The following TNFRSF10A variants were observed in gnomAD, a reference collection of about 807,000 sequenced individuals.
TNFRSF10A encodes tumor necrosis factor receptor superfamily member 10A.
Under a neutral mutation model 42.8 loss-of-function variants are expected in TNFRSF10A, and 44 were observed. The observed-to-expected ratio is 1.03, with a 90% CI of 0.81 to 1.32. TNFRSF10A has a LOEUF of 1.32. Among genes scored for constraint, TNFRSF10A ranks in the 40% most tolerant of loss-of-function variants. TNFRSF10A has a pLI of 0.00. For missense variants in TNFRSF10A, 680 were observed against 602.0 expected (o/e 1.13, Z -1.36); for synonymous variants, 259 against 234.2 (o/e 1.11, Z -0.97).
In TNFRSF10A at chr8:23,197,173, C is replaced by T. The variant is rs1212836066; in HGVS notation, c.1046G>A (p.Arg349Lys). ...ACCATTTGCTGGAACCAGCAGCCTC[C>T]TCCTCTGAGACCCTTCAGCTTCTGC... ...GPAEAEGSQR[R>K]RLLVPANGAD... is the part of the protein sequence containing the mutation. The change falls in exon 9 of 10, where the codon AGG becomes AAG. Residue 349 changes from arginine to lysine, a missense_variant. Arg to Lys is a conservative substitution (Grantham distance 26). Transcript: ENST00000221132. 1 of 1,614,174 alleles carries T rather than the reference C, an allele frequency of 6.2e-7. No homozygotes were observed.
At chr8:23,200,354 G>T in intron 6 of TNFRSF10A, 151 bp downstream of exon 6, 1 of 856,928 alleles carries the variant, frequency 1.2e-6, no homozygotes, top group African/African-American at 1.7e-5. Context: ...GGGTTGCACA[G>T]GATGGGAGGA....
At chr8:23,221,290 C>T (rs989213531) in intron 1 of TNFRSF10A, among the ~76,000 whole-genome samples, 1 of 152,230 alleles carries the variant, frequency 6.6e-6, no homozygotes, top group African/African-American at 2.4e-5. Context: ...TTATATCCAC[C>T]TAGTTTATAG....
Position 23,202,650 on chromosome 8 carries a change from G to A in TNFRSF10A, c.515C>T (p.Ser172Leu). 1 of 1,612,834 alleles carries A rather than the reference G, an allele frequency of 6.2e-7. No individual in the cohort carries two copies. The highest frequency in any genetic ancestry group is 8.5e-7 in the Non-Finnish European group (1 of 1,178,972). Residue 172 changes from serine to leucine, a missense_variant and splice_region_variant, in exon 3 of 10, where the codon TCA becomes TTA. Ser to Leu is a moderately radical substitution (Grantham distance 145, BLOSUM62 -2). Coordinates refer to ENST00000221132, the MANE Select transcript of TNFRSF10A (RefSeq NM_003844.4). ...FACLPCTACK[S>L]DEEERSPCTT... Reference sequence around the variant, plus strand: ...CAAGAGGTCCACACATTCTGTACCTGATTTACAAGCTGTACATGGGAGGCA... The same window carrying A: ...CAAGAGGTCCACACATTCTGTACCTAATTTACAAGCTGTACATGGGAGGCA...
chr8:23,209,195 G>C (rs1374884919), intron 2 of TNFRSF10A, among the ~76,000 whole-genome samples: 1 of 152,224 alleles, frequency 6.6e-6, no homozygotes. Flanking sequence ...TGAGGTTTGG[G>C]AACCTCCACG....
chr8:23,195,870 C>T (rs1356280776), intron 9 of TNFRSF10A, among the ~76,000 whole-genome samples: 1 of 152,046 alleles, frequency 6.6e-6, no homozygotes, highest in South Asian at 2.1e-4. Context: ...CATGAAGCAG[C>T]CAGAAAGATC....
chr8:23,191,429 G>T lies in TNFRSF10A; in HGVS notation c.*265C>A. 3.8e-6 allele frequency: 2 copies of T among 519,842 alleles called. No homozygotes were observed. The highest frequency in any genetic ancestry group is 6.7e-6 in the Non-Finnish European group (2 of 300,108). The allele number at this position is 519,842 out of a possible 1,614,324, so 32.2% of individuals were successfully genotyped here. On this transcript the variant is annotated 3_prime_UTR_variant, in exon 10 of 10. Transcript: ENST00000221132. ...TTCTCCTGCCTCAGCCTCCCGAGTA[G>T]CCGAGAATATATGCACACACCATCA...
chr8:23,203,920 G>A (rs1446014724), intron 2 of TNFRSF10A, among the ~76,000 whole-genome samples: 2 of 152,192 alleles, frequency 1.3e-5, no homozygotes, highest in Admixed American at 6.5e-5. Context: ...GGGACTACAG[G>A]AGCGTGCCAC....
intron 1 of TNFRSF10A, among the ~76,000 whole-genome samples, chr8:23,220,204 C>A (rs986397995): frequency 6.6e-6 from 1 of 152,156 alleles, no homozygotes; most frequent in African/African-American, 2.4e-5. Flanking sequence ...GGCCAGGTCC[C>A]AAATGCTGGG....
chr8:23,202,971 T>G (rs771280112), intron 2 of TNFRSF10A, among the ~76,000 whole-genome samples: 1 of 152,058 alleles, frequency 6.6e-6, no homozygotes, highest in East Asian at 1.9e-4. Context: ...CATGCAAAAT[T>G]CAAATTCTAT....
Position 23,191,801 on chromosome 8 carries a change from T to A in TNFRSF10A, c.1300A>T (p.Arg434Trp). 6.2e-7 allele frequency: 1 copy of A among 1,614,054 alleles called. No individual in the cohort carries two copies. Among genetic ancestry groups the A allele is most frequent in the Non-Finnish European group, 8.5e-7 (1 of 1,180,006 alleles). Residue 434 changes from arginine (R) to tryptophan (W), a missense_variant, in exon 10 of 10, where the codon AGG (arginine) becomes TGG (tryptophan). Physicochemically the swap from Arg to Trp is moderately radical, Grantham distance 101. Transcript: ENST00000221132. ...TCTCTTGCATGTCTCTCTTCCATCC[T>A]CTCCAAGGCATCCAGCAGGGTGTGG... ...SIHTLLDALE[R>W]MEERHAREKI... is the part of the protein sequence containing the mutation.
At chr8:23,209,677 T>A (rs1292616990) in intron 2 of TNFRSF10A, among the ~76,000 whole-genome samples, 1 of 152,226 alleles carries the variant, frequency 6.6e-6, no homozygotes, top group Non-Finnish European at 1.5e-5. Context: ...ATGTCACCCA[T>A]TTGGAATGGA....
At chr8:23,192,660 C>G (rs1440921926) in intron 9 of TNFRSF10A, among the ~76,000 whole-genome samples, 1 of 152,136 alleles carries the variant, frequency 6.6e-6, no homozygotes, top group East Asian at 1.9e-4. Flanking sequence ...TTTCTAACAG[C>G]CTCATTTAAA....
chr8:23,222,568 A>T (rs147891163), intron 1 of TNFRSF10A, among the ~76,000 whole-genome samples: 89 of 152,346 alleles, frequency 5.8e-4, no homozygotes, highest in Admixed American at 4.6e-4. Context: ...GAATTTTAAA[A>T]GTTAAGGTGC....
At chr8:23,224,666 C>G in intron 1 of TNFRSF10A, 90 bp downstream of exon 1, 2 of 1,451,390 alleles carry the variant, frequency 1.4e-6, no homozygotes, top group South Asian at 2.8e-5. Flanking sequence ...GTGACCCGGG[C>G]CAGGCACCCC....
Position 23,200,678 on chromosome 8 carries a change from G to C in TNFRSF10A, c.703+9C>G. The C allele has an allele frequency of 6.2e-7, 1 of 1,613,044 alleles. No individual in the cohort carries two copies. Among genetic ancestry groups the C allele is most frequent in the Middle Eastern group, 1.7e-4 (1 of 6,052 alleles). On this transcript the variant is annotated intron_variant, in intron 5 of 9. Transcript: ENST00000221132. ...TCTGCAGCTGGGGCTTCCCCAGTGG[G>C]CTTTGTACCTGATTCTTTGTGGACA...
intron 1 of TNFRSF10A, among the ~76,000 whole-genome samples, chr8:23,216,296 G>A (rs181622048): frequency 1.6e-3 from 251 of 152,174 alleles, no homozygotes; most frequent in Non-Finnish European, 3.0e-3. Context: ...GCACACCTCT[G>A]AGTCATTGAT....
chr8:23,196,954 T>TAGAGTGGGAAGAAGAGATGGGAGA (rs1800830767), intron 9 of TNFRSF10A, among the ~76,000 whole-genome samples, 178 bp downstream of exon 9: 1 of 151,132 alleles, frequency 6.6e-6, no homozygotes. Flanking sequence ...AAGGATGAGG[T>TAGAGTGGGAAGAAGAGATGGGAGA]AGAGTGGGAA....
intron 1 of TNFRSF10A, among the ~76,000 whole-genome samples, chr8:23,220,380 A>C (rs1384374905): frequency 6.6e-6 from 1 of 152,232 alleles, no homozygotes; most frequent in Non-Finnish European, 1.5e-5. Flanking sequence ...TTAGCAAAGT[A>C]GAAATTGAGA....
chr8:23,201,278 G>A (rs1022850064), intron 4 of TNFRSF10A, among the ~76,000 whole-genome samples: 2 of 152,204 alleles, frequency 1.3e-5, no homozygotes, highest in African/African-American at 4.8e-5. Flanking sequence ...GGCCAGGGGT[G>A]AGGCTGGCTG....
Sources: gnomAD v4.1 joint callset for allele counts (sites outside exome capture counted in the v4.1 genomes callset) on GRCh38, gnomAD v4.1.1 for gene constraint, MANE v1.5 for transcripts, NCBI Gene and HGNC (gene_info 2026-07-23, HGNC 2026-07-21) for gene names.